RNF111: variants seen among roughly 807,000 people sequenced by gnomAD.
The protein encoded by RNF111 is E3 ubiquitin-protein ligase Arkadia.
A neutral mutation model predicts 95.1 loss-of-function variants in RNF111; 17 were observed. The ratio of observed to expected loss-of-function variants is 0.18; its 90% confidence interval spans 0.12 to 0.27. RNF111 has a LOEUF of 0.27. Ranked by LOEUF, RNF111 falls within the 10% of genes least tolerant of loss-of-function variation. RNF111 has a pLI of 1.00. For missense variants in RNF111, 1,189 were observed against 1,210.4 expected (o/e 0.98, Z 0.26); for synonymous variants, 440 against 414.8 (o/e 1.06, Z -0.74).
chr15:58,990,666 CA>C (rs1301558493), intron 1 of RNF111, among the ~76,000 whole-genome samples: 5 of 151,968 alleles, frequency 3.3e-5, no homozygotes, highest in African/African-American at 1.2e-4. Flanking sequence ...AACAAACAAA[CA>C]AAAAAACTAT....
chr15:59,019,546 G>T (rs1228952967), intron 1 of RNF111, among the ~76,000 whole-genome samples: 3 of 109,424 alleles, frequency 2.7e-5, no homozygotes, highest in African/African-American at 8.6e-5. Context: ...TTTCATATGG[G>T]TTTATACACC....
In RNF111 at chr15:59,055,739, T is replaced by C. The variant is rs545812316; in HGVS notation, c.1065T>C (p.His355=). 2 of 1,613,978 alleles carry C rather than the reference T, an allele frequency of 1.2e-6. No homozygotes were observed. The highest frequency in any genetic ancestry group is 1.7e-6 in the Non-Finnish European group (2 of 1,179,920). Residue 355 remains histidine (H), a synonymous_variant, in exon 4 of 14, where the codon CAT becomes CAC. Coordinates refer to ENST00000348370, the MANE Select transcript of RNF111 (RefSeq NM_017610.8). ...RSHWSQGSSS[H]ASRPQEPRNR... is the part of the protein sequence containing the mutation. ...ATTGGAGCCAGGGTTCCAGTTCTCA[T>C]GCAAGTCGGCCACAGGAGCCACGGA...
intron 6 of RNF111, among the ~76,000 whole-genome samples, chr15:59,069,252 G>A (rs1306408164): frequency 2.0e-5 from 3 of 152,142 alleles, no homozygotes; most frequent in African/African-American, 7.2e-5. Context: ...TTGGGAACGA[G>A]GGAGCATCAA....
At chr15:59,053,868 CTT>C (rs1835711135) in intron 3 of RNF111, among the ~76,000 whole-genome samples, 2 of 118,418 alleles carry the variant, frequency 1.7e-5, no homozygotes, top group South Asian at 4.6e-4. Context: ...TGTTATATCT[CTT>C]ATTGTTATTA....
At chr15:59,028,110 G>A (rs1168787671) in intron 1 of RNF111, among the ~76,000 whole-genome samples, 1 of 152,106 alleles carries the variant, frequency 6.6e-6, no homozygotes, top group Non-Finnish European at 1.5e-5. Flanking sequence ...TGGCCACCGC[G>A]CCTGGCCAGA....
intron 1 of RNF111, among the ~76,000 whole-genome samples, chr15:59,018,949 C>T (rs1359795765): frequency 1.3e-5 from 2 of 151,648 alleles, no homozygotes; most frequent in Admixed American, 6.6e-5. Context: ...TTTGAGACAG[C>T]GCCATGCTCT....
At position 59,031,580 on chromosome 15, in the gene RNF111, C is replaced by T; in HGVS notation, c.758C>T (p.Ser253Phe). 6.2e-7 allele frequency: 1 copy of T among 1,614,158 alleles called. No homozygotes were observed. Among genetic ancestry groups the T allele is most frequent in the South Asian group, 1.1e-5 (1 of 91,078 alleles). Residue 253 changes from serine (S) to phenylalanine (F), a missense_variant, in exon 2 of 14, where the codon TCT becomes TTT. Coordinates refer to ENST00000348370, the MANE Select transcript of RNF111 (RefSeq NM_017610.8). ...AGAAAATATGCCTTGCTACCTAGTT[C>T]TAGTAGTTCCAGTGAGAATGACCTC... ...ARRKYALLPS[S>F]SSSSENDLSS... is the part of the protein sequence containing the mutation.
chr15:59,014,083 C>T (rs1179610236), intron 1 of RNF111, among the ~76,000 whole-genome samples: 3 of 152,178 alleles, frequency 2.0e-5, no homozygotes, highest in South Asian at 2.1e-4. Flanking sequence ...GAGCCACTGC[C>T]GCCAGCCTCA....
chr15:59,034,843 A>G (rs2041093595), intron 2 of RNF111, among the ~76,000 whole-genome samples: 2 of 152,242 alleles, frequency 1.3e-5, no homozygotes, highest in African/African-American at 4.8e-5. Context: ...ACATGTTAAT[A>G]TGATTTGTAT....
chr15:58,997,740 C>A (rs1359177390), intron 1 of RNF111, among the ~76,000 whole-genome samples: 2 of 150,042 alleles, frequency 1.3e-5, no homozygotes, highest in Non-Finnish European at 3.0e-5. Flanking sequence ...GGCTTGAACC[C>A]GGGAGGCAGA....
At chr15:59,043,113 T>TTAACTATTATAAAATTCATTC (rs2041543766) in intron 2 of RNF111, among the ~76,000 whole-genome samples, 1 of 152,184 alleles carries the variant, frequency 6.6e-6, no homozygotes, top group Non-Finnish European at 1.5e-5. Context: ...AAAATTCATT[T>TTAACTATTATAAAATTCATTC]TAACTATTAT....
chr15:59,055,140 C>T (rs1036709509), intron 3 of RNF111, among the ~76,000 whole-genome samples: 1 of 152,178 alleles, frequency 6.6e-6, no homozygotes, highest in Admixed American at 6.5e-5. Flanking sequence ...GGCTACCAAA[C>T]TAGTAAACTA....
Position 59,096,114 on chromosome 15 carries a change from TC to T in RNF111, c.*1215del, listed in dbSNP as rs2079172935. Reference sequence around the variant, plus strand: ...GATCACTGATTTAAAATTTTTAATTTCTATAGTTAAGATTTACTGCATAATA... The same window carrying T: ...GATCACTGATTTAAAATTTTTAATTTTATAGTTAAGATTTACTGCATAATA... On this transcript the variant is annotated 3_prime_UTR_variant, in exon 14 of 14. Coordinates refer to ENST00000348370, the MANE Select transcript of RNF111 (RefSeq NM_017610.8). The T allele has an allele frequency of 2.5e-6, 1 of 398,476 alleles. No homozygotes were observed. Among genetic ancestry groups the T allele is most frequent in the African/African-American group, 2.1e-5 (1 of 48,620 alleles). The allele number at this position is 398,476 out of a possible 1,614,324, so 24.7% of individuals were successfully genotyped here. A position where few individuals can be genotyped will look rare whatever the true frequency, so the allele number is the denominator to read the frequency against.
intron 1 of RNF111, among the ~76,000 whole-genome samples, chr15:58,992,081 G>A (rs544380630): frequency 2.0e-5 from 3 of 152,160 alleles, no homozygotes; most frequent in South Asian, 2.1e-4. Context: ...AGTTTCCCTC[G>A]TTGCCCAAGC....
chr15:59,029,712 T>C (rs1183837658), intron 1 of RNF111, among the ~76,000 whole-genome samples: 1 of 152,212 alleles, frequency 6.6e-6, no homozygotes, highest in African/African-American at 2.4e-5. Flanking sequence ...ATCTGTGGTG[T>C]CAGAAGTTAC....
chr15:59,082,054 G>T (rs1346456487), intron 8 of RNF111, among the ~76,000 whole-genome samples: 1 of 152,072 alleles, frequency 6.6e-6, no homozygotes, highest in East Asian at 1.9e-4. Context: ...CTGCAGCCTG[G>T]GTGACACAGG....
intron 1 of RNF111, among the ~76,000 whole-genome samples, chr15:59,006,911 G>A (rs1379622956): frequency 6.6e-6 from 1 of 152,096 alleles, no homozygotes; most frequent in Non-Finnish European, 1.5e-5. Flanking sequence ...TCAGCCCCCC[G>A]AGTAGCTGGG....
chr15:59,069,005 C>T (rs1971181), intron 6 of RNF111, among the ~76,000 whole-genome samples: 38,711 of 144,246 alleles, frequency 0.27, 5,147 homozygotes, highest in Middle Eastern at 0.44. Context: ...ACGTGGGAGG[C>T]GGAGATTGCA....
intron 2 of RNF111, among the ~76,000 whole-genome samples, chr15:59,051,713 A>C (rs2041992110): frequency 6.6e-6 from 1 of 152,028 alleles, no homozygotes. Context: ...AGGAGGTTGC[A>C]GTAAGCCGAG....
Sources: gnomAD v4.1 joint callset for allele counts (sites outside exome capture counted in the v4.1 genomes callset) on GRCh38, gnomAD v4.1.1 for gene constraint, MANE v1.5 for transcripts, NCBI Gene and HGNC (gene_info 2026-07-23, HGNC 2026-07-21) for gene names.